The following UBAC2 variants were observed in gnomAD, a reference collection of about 807,000 sequenced individuals.
The protein encoded by UBAC2 is ubiquitin-associated domain-containing protein 2.
UBAC2 carries 26 observed loss-of-function variants against 44.0 expected under a neutral mutation model. The ratio of observed to expected loss-of-function variants is 0.59; its 90% CI spans 0.43 to 0.82. The LOEUF (loss-of-function observed/expected upper bound fraction) is 0.82, where lower values mean the gene tolerates loss of function less well. Among genes scored for constraint, UBAC2 ranks in the 40% least tolerant of loss-of-function variants. The probability of loss-of-function intolerance (pLI) is 0.00; values close to 1 mark genes in which losing one functional copy is unlikely to be tolerated. For synonymous variants in UBAC2, 155 were observed against 154.3 expected (o/e 1.00, Z -0.04); for missense variants, 329 against 419.4 (o/e 0.78, Z 1.88).
At chr13:99,328,697 TCTAA>T in intron 6 of UBAC2, among the ~76,000 whole-genome samples, 1 of 152,238 alleles carries the variant, frequency 6.6e-6, no homozygotes, top group Non-Finnish European at 1.5e-5. Flanking sequence ...CTATTTATCT[TCTAA>T]CTGACTTAAA....
intron 4 of UBAC2, among the ~76,000 whole-genome samples, chr13:99,271,614 A>T (rs9557190): frequency 0.16 from 24,049 of 152,242 alleles, 2,260 homozygotes; most frequent in Middle Eastern, 0.23. Flanking sequence ...ATTCTTTTTT[A>T]AAAAAGCACT....
rs558489626 is a variant in UBAC2 at position 99,351,374 on chromosome 13, AG to A, written c.807+10811del. 144 of 359,112 alleles carry A rather than the reference AG, an allele frequency of 4.0e-4. 1 individual carries two copies. In the Middle Eastern group the frequency reaches 4.3e-3, roughly 11 times the overall value. 22.2% of individuals were successfully genotyped at this position (359,112 alleles called of 1,614,324 possible). A position where few individuals can be genotyped will look rare whatever the true frequency, so the allele number is the denominator to read the frequency against. ...ACCTGTTTTTGTACAATCTGAAGCT[AG>A]GAACAGGTTTTACATTTTAAATGGT... On this transcript the variant is annotated intron_variant, in intron 7 of 8. Coordinates refer to ENST00000403766, the MANE Select transcript of UBAC2 (RefSeq NM_001144072.2).
At chr13:99,234,954 G>A (rs1360568762) in intron 1 of UBAC2, among the ~76,000 whole-genome samples, 1 of 152,186 alleles carries the variant, frequency 6.6e-6, no homozygotes, top group East Asian at 1.9e-4. Context: ...CATATCAGAG[G>A]GAAGAGAGAA....
At chr13:99,201,271 G>T in intron 1 of UBAC2, 1 of 1,447,472 alleles carries the variant, frequency 6.9e-7, no homozygotes, top group South Asian at 1.5e-5. Context: ...CCTTTGCGGA[G>T]CGTGTGCCGC....
chr13:99,353,043 C>T (rs954924036), intron 7 of UBAC2, among the ~76,000 whole-genome samples: 5 of 152,216 alleles, frequency 3.3e-5, no homozygotes, highest in Non-Finnish European at 7.3e-5. Context: ...TATGCTCTTT[C>T]ACTTTTTGGT....
At chr13:99,318,658 A>C (rs1186510579) in intron 6 of UBAC2, among the ~76,000 whole-genome samples, 1 of 151,228 alleles carries the variant, frequency 6.6e-6, no homozygotes, top group Non-Finnish European at 1.5e-5. Flanking sequence ...ATCTCTGCTA[A>C]AAATACAGAA....
intron 6 of UBAC2, 50 bp from the exon 7 acceptor site, chr13:99,340,270 T>C (rs376805617): frequency 2.9e-5 from 46 of 1,596,142 alleles, no homozygotes; most frequent in Middle Eastern, 3.3e-4. Flanking sequence ...GTGTACATTT[T>C]TTAAAATAAT....
At chr13:99,334,953 A>G (rs1466513834) in intron 6 of UBAC2, among the ~76,000 whole-genome samples, 1 of 152,242 alleles carries the variant, frequency 6.6e-6, no homozygotes, top group African/African-American at 2.4e-5. Context: ...GGAGACAGTA[A>G]CCATAAGAAA....
At chr13:99,347,421 G>C (rs1383929997) in intron 7 of UBAC2, among the ~76,000 whole-genome samples, 1 of 150,344 alleles carries the variant, frequency 6.7e-6, no homozygotes, top group Non-Finnish European at 1.5e-5. Flanking sequence ...GGCTTCGGTG[G>C]AGAGATGGGG....
intron 6 of UBAC2, among the ~76,000 whole-genome samples, chr13:99,323,365 C>T (rs1448835414): frequency 6.6e-6 from 1 of 152,150 alleles, no homozygotes; most frequent in Non-Finnish European, 1.5e-5. Flanking sequence ...CTTTGGGAGA[C>T]TGAGGCAGGT....
intron 8 of UBAC2, among the ~76,000 whole-genome samples, chr13:99,371,973 T>G (rs2045412236): frequency 6.6e-6 from 1 of 152,236 alleles, no homozygotes; most frequent in African/African-American, 2.4e-5. Flanking sequence ...TTTTAGTTCT[T>G]CAGAATCCAC....
In UBAC2 at chr13:99,242,369, G is replaced by T. The variant is rs866314352; in HGVS notation, c.160-1463G>T. On this transcript the variant is annotated intron_variant, in intron 2 of 8. Coordinates refer to ENST00000403766, the MANE Select transcript of UBAC2 (RefSeq NM_001144072.2). ...TCCCTCCCGGACGGGGCGGCTGTCC[G>T]GGCAGAGGGGCTCCTCACTTCCCAG... Among the ~76,000 whole-genome samples, 1,346 of 142,666 alleles carry T rather than the reference G, an allele frequency of 9.4e-3. 10 individuals carry two copies. Among genetic ancestry groups the T allele is most frequent in the African/African-American group, 0.033 (1,289 of 38,682 alleles). The allele number at this position is 142,666 out of a possible 152,430, so 93.6% of individuals were successfully genotyped here.
At chr13:99,343,480 A>T (rs1215713559) in intron 7 of UBAC2, among the ~76,000 whole-genome samples, 1 of 152,216 alleles carries the variant, frequency 6.6e-6, no homozygotes, top group Non-Finnish European at 1.5e-5. Context: ...CATTCCCACC[A>T]GGCGCCTGTG....
chr13:99,277,545 T>G (rs781698987), intron 4 of UBAC2, among the ~76,000 whole-genome samples: 2 of 152,142 alleles, frequency 1.3e-5, no homozygotes, highest in Non-Finnish European at 2.9e-5. Flanking sequence ...ATAAATAAAA[T>G]AAAATAAAAG....
At chr13:99,261,691 C>G (rs145498062) in intron 4 of UBAC2, 118 of 152,452 alleles carry the variant, frequency 7.7e-4, no homozygotes, top group African/African-American at 2.7e-3. Context: ...AGTCCTGGAA[C>G]CACTGAAGTC....
At chr13:99,210,740 G>A (rs1454876803) in intron 1 of UBAC2, among the ~76,000 whole-genome samples, 1 of 152,110 alleles carries the variant, frequency 6.6e-6, no homozygotes, top group Non-Finnish European at 1.5e-5. Context: ...GCCTCCTAAA[G>A]TGCTGGGATT....
chr13:99,300,554 T>C (rs1268138308), intron 4 of UBAC2, among the ~76,000 whole-genome samples: 1 of 152,254 alleles, frequency 6.6e-6, no homozygotes, highest in African/African-American at 2.4e-5. Flanking sequence ...CCCTTAGAGA[T>C]ATTACTTTAT....
At chr13:99,320,602 A>G (rs977213079) in intron 6 of UBAC2, among the ~76,000 whole-genome samples, 1 of 152,224 alleles carries the variant, frequency 6.6e-6, no homozygotes, top group South Asian at 2.1e-4. Context: ...ATTTAAAATA[A>G]TTAATATTCA....
chr13:99,230,578 A>G (rs1017373517), intron 1 of UBAC2, among the ~76,000 whole-genome samples: 2 of 152,206 alleles, frequency 1.3e-5, no homozygotes, highest in Non-Finnish European at 2.9e-5. Context: ...GCAGGGCTGC[A>G]TTTCTTTTGG....
Sources: allele counts gnomAD v4.1 joint callset (sites outside exome capture counted in the v4.1 genomes callset), GRCh38; gene constraint gnomAD v4.1.1; transcripts MANE v1.5; gene names NCBI Gene and HGNC (gene_info 2026-07-23, HGNC 2026-07-21).